Variants in FGF12 observed in about 807,000 individuals in gnomAD.
FGF12 encodes the protein fibroblast growth factor 12, also known as fibroblast growth factor 12B.
In FGF12, 14 loss-of-function variants were observed where a neutral mutation model predicts 23.6. The observed-to-expected ratio is 0.59, with a 90% CI of 0.39 to 0.93. The LOEUF (loss-of-function observed/expected upper bound fraction) is 0.93. FGF12 is among the 40% of genes least tolerant of loss of function. FGF12 has a pLI of 0.00. For missense variants in FGF12, 175 were observed against 217.8 expected (o/e 0.80, Z 1.24); for synonymous variants, 62 against 77.3 (o/e 0.80, Z 1.04).
At chr3:192,218,539 C>G (rs1263991017) in intron 4 of FGF12, among the ~76,000 whole-genome samples, 1 of 152,170 alleles carries the variant, frequency 6.6e-6, no homozygotes, top group African/African-American at 2.4e-5. Context: ...TCCTCCTGCT[C>G]TGGCTATCAC....
chr3:192,684,911 CTTG>C lies in FGF12; in HGVS notation c.13+42267_13+42269del, dbSNP rs540024195. ...CACAACGTGGATGAGGGAGACTGAC[CTTG>C]TTGTTCAAATGTCAACTCCCCTATT... On this transcript the variant is annotated intron_variant, in intron 2 of 5. Coordinates refer to ENST00000445105, the MANE Select transcript of FGF12 (RefSeq NM_004113.6). 3.7e-3 allele frequency among the ~76,000 whole-genome samples: 559 copies of C among 152,230 alleles called. 4 individuals carry two copies. The highest frequency in any genetic ancestry group is 6.5e-3 in the Non-Finnish European group (441 of 68,010).
chr3:192,476,334 C>A (rs902837998), intron 2 of FGF12, among the ~76,000 whole-genome samples: 1 of 152,064 alleles, frequency 6.6e-6, no homozygotes, highest in African/African-American at 2.4e-5. Context: ...AAAAATGAAG[C>A]CCAGAGGTCT....
chr3:192,669,075 A>C (rs1717006409), intron 2 of FGF12, among the ~76,000 whole-genome samples: 5 of 152,220 alleles, frequency 3.3e-5, no homozygotes, highest in Admixed American at 3.3e-4. Context: ...CAAGCAAACA[A>C]GATAAGATTT....
At chr3:192,311,920 A>T (rs1577343107) in intron 4 of FGF12, among the ~76,000 whole-genome samples, 1 of 129,838 alleles carries the variant, frequency 7.7e-6, no homozygotes, top group African/African-American at 2.9e-5. Flanking sequence ...ATTGCTATTG[A>T]CTGTCTGTCT....
intron 5 of FGF12, among the ~76,000 whole-genome samples, chr3:192,169,529 T>C (rs1243989702): frequency 2.7e-4 from 41 of 152,142 alleles, no homozygotes; most frequent in Non-Finnish European, 5.9e-5. Flanking sequence ...CTATGTACTA[T>C]GCACCAGGCA....
intron 2 of FGF12, among the ~76,000 whole-genome samples, chr3:192,708,742 C>A (rs938341493): frequency 6.6e-6 from 1 of 152,116 alleles, no homozygotes; most frequent in African/African-American, 2.4e-5. Context: ...AGAAGGACTT[C>A]TTACCAGAAG....
intron 2 of FGF12, among the ~76,000 whole-genome samples, chr3:192,396,856 T>C (rs1282467848): frequency 6.6e-6 from 1 of 152,170 alleles, no homozygotes; most frequent in Non-Finnish European, 1.5e-5. Context: ...CTGAATGTAA[T>C]TGCTGAGCAT....
intron 2 of FGF12, among the ~76,000 whole-genome samples, chr3:192,593,073 A>G (rs1302736163): frequency 6.6e-6 from 1 of 151,846 alleles, no homozygotes; most frequent in East Asian, 1.9e-4. Context: ...TCCCTTTAAA[A>G]TGCAAGTAAC....
At chr3:192,397,957 C>T (rs1720595017) in intron 2 of FGF12, among the ~76,000 whole-genome samples, 1 of 145,714 alleles carries the variant, frequency 6.9e-6, no homozygotes, top group South Asian at 2.2e-4. Flanking sequence ...TAAAAAAAAA[C>T]TCTTTATGAA....
chr3:192,333,529 T>C (rs916414706), intron 4 of FGF12, among the ~76,000 whole-genome samples: 14 of 152,180 alleles, frequency 9.2e-5, no homozygotes, highest in Admixed American at 5.2e-4. Flanking sequence ...TGAAAATGTA[T>C]TTAATTGTTA....
chr3:192,695,906 C>T (rs1718105567), intron 2 of FGF12, among the ~76,000 whole-genome samples: 1 of 152,134 alleles, frequency 6.6e-6, no homozygotes, highest in Non-Finnish European at 1.5e-5. Context: ...CAAGACCAGC[C>T]TGGCCAACAT....
At chr3:192,404,320 C>T (rs1395925480) in intron 2 of FGF12, among the ~76,000 whole-genome samples, 1 of 152,114 alleles carries the variant, frequency 6.6e-6, no homozygotes. Context: ...TATTGATGAC[C>T]TCCAAGGTTC....
intron 2 of FGF12, among the ~76,000 whole-genome samples, chr3:192,375,842 A>G (rs999123058): frequency 1.3e-5 from 2 of 152,144 alleles, no homozygotes; most frequent in Non-Finnish European, 2.9e-5. Context: ...GCATTCTGGA[A>G]AAAAATTTCA....
intron 4 of FGF12, among the ~76,000 whole-genome samples, chr3:192,321,998 G>A (rs557363305): frequency 1.2e-4 from 18 of 152,050 alleles, no homozygotes; most frequent in African/African-American, 3.4e-4. Context: ...GAAATAAAAA[G>A]CATCCAAATT....
At chr3:192,202,041 T>G (rs1213589086) in intron 4 of FGF12, among the ~76,000 whole-genome samples, 1 of 152,204 alleles carries the variant, frequency 6.6e-6, no homozygotes, top group African/African-American at 2.4e-5. Context: ...TTGAACAATT[T>G]ATGCTGCCAA....
intron 3 of FGF12, among the ~76,000 whole-genome samples, chr3:192,350,799 G>A (rs1447851385): frequency 3.3e-5 from 5 of 152,146 alleles, no homozygotes; most frequent in Admixed American, 6.5e-5. Context: ...CTTTTACCCC[G>A]AATGATATGT....
Position 192,360,624 on chromosome 3 carries a change from T to C in FGF12, c.14-86A>G. 1 of 870,842 alleles carries C rather than the reference T, an allele frequency of 1.1e-6. No homozygotes were observed. Among genetic ancestry groups the C allele is most frequent in the South Asian group, 1.4e-5 (1 of 72,066 alleles). 53.9% of individuals were successfully genotyped at this position (870,842 alleles called of 1,614,324 possible). On this transcript the variant is annotated intron_variant, in intron 2 of 5. Transcript: ENST00000445105. The surrounding 1 kb of genome is among the most constrained non-coding windows in gnomAD (Gnocchi z 4.3). ...TTGTTAAAAACATCCTGTAAGTAAA[T>C]ACGTAAATGCCAATAGCTTAAATAT...
At chr3:192,232,269 T>C (rs1281278473) in intron 4 of FGF12, among the ~76,000 whole-genome samples, 1 of 152,162 alleles carries the variant, frequency 6.6e-6, no homozygotes, top group Non-Finnish European at 1.5e-5. Context: ...CTTTCCTTTC[T>C]TTTTAAAATA....
At chr3:192,279,027 C>T (rs1462946828) in intron 4 of FGF12, among the ~76,000 whole-genome samples, 6 of 151,898 alleles carry the variant, frequency 4.0e-5, no homozygotes, top group East Asian at 3.9e-4. Context: ...CTTTGAATAA[C>T]GAAGGAAGTG....
Sources: gnomAD v4.1 joint callset for allele counts (sites outside exome capture counted in the v4.1 genomes callset) on GRCh38, gnomAD v4.1.1 for gene constraint, Gnocchi (gnomAD v3.1) non-coding constraint, MANE v1.5 for transcripts, NCBI Gene and HGNC (gene_info 2026-07-23, HGNC 2026-07-21) for gene names.